The following DOCK1 variants were observed in gnomAD, a reference collection of about 807,000 sequenced individuals.
The protein encoded by DOCK1 is dedicator of cytokinesis 1.
In DOCK1, 138 loss-of-function variants were observed where a neutral mutation model predicts 262.7. That is an observed-to-expected ratio of 0.53 (90% CI 0.46 to 0.61). The LOEUF is 0.61. Among genes scored for constraint, DOCK1 ranks in the 20% least tolerant of loss-of-function variants. The pLI is 0.00. For missense variants in DOCK1, 1,908 were observed against 2,370.7 expected, an observed-to-expected ratio of 0.80 and a Z score of 4.05; for synonymous variants, 866 against 867.4, an observed-to-expected ratio of 1.00 and a Z score of 0.03.
intron 1 of DOCK1, among the ~76,000 whole-genome samples, chr10:126,943,614 G>A (rs1010572192): frequency 6.6e-6 from 1 of 152,150 alleles, no homozygotes; most frequent in Admixed American, 6.6e-5. Flanking sequence ...TGTGTGCTTG[G>A]CCCTGGGATA....
At chr10:127,376,394 C>G (rs753009452) in intron 35 of DOCK1, among the ~76,000 whole-genome samples, 2 of 152,146 alleles carry the variant, frequency 1.3e-5, no homozygotes, top group Non-Finnish European at 2.9e-5. Context: ...AATTACTGGT[C>G]TCTGATGTCT....
At chr10:127,166,011 CAG>C (rs1177096424) in intron 27 of DOCK1, among the ~76,000 whole-genome samples, 1 of 152,184 alleles carries the variant, frequency 6.6e-6, no homozygotes, top group Non-Finnish European at 1.5e-5. Context: ...AGGGAAAATC[CAG>C]ACTTGCATTA....
chr10:126,973,761 A>C (rs750447260), intron 2 of DOCK1, among the ~76,000 whole-genome samples: 1 of 152,156 alleles, frequency 6.6e-6, no homozygotes, highest in Non-Finnish European at 1.5e-5. Flanking sequence ...TTTGTTTTCC[A>C]ATATCTTCCT....
chr10:127,237,857 T>C (rs2059127527), intron 27 of DOCK1, among the ~76,000 whole-genome samples: 1 of 152,202 alleles, frequency 6.6e-6, no homozygotes, highest in Non-Finnish European at 1.5e-5. Flanking sequence ...TCTCACTAGA[T>C]TGTGAGTAGA....
chr10:127,228,906 C>T (rs767098478), intron 27 of DOCK1, among the ~76,000 whole-genome samples: 2 of 152,198 alleles, frequency 1.3e-5, no homozygotes, highest in Admixed American at 6.5e-5. Flanking sequence ...CTCTCACATA[C>T]TTATTTTTCA....
At chr10:127,113,997 C>T (rs544489784) in intron 25 of DOCK1, among the ~76,000 whole-genome samples, 1 of 152,290 alleles carries the variant, frequency 6.6e-6, no homozygotes, top group East Asian at 1.9e-4. Context: ...AGTCATTTGG[C>T]ATTTAAAATT....
At chr10:127,061,066 T>G (rs2135819005) in intron 22 of DOCK1, among the ~76,000 whole-genome samples, 1 of 152,216 alleles carries the variant, frequency 6.6e-6, no homozygotes, top group East Asian at 1.9e-4. Context: ...TCTTCCCTAC[T>G]AAAATATAAA....
In DOCK1 at chr10:126,977,983, A is replaced by G. The variant is rs774630796; in HGVS notation, c.166A>G (p.Lys56Glu). 1.3e-5 allele frequency: 21 copies of G among 1,613,824 alleles called. No homozygotes were observed. The East Asian group carries it at 4.2e-4, about 33-fold the overall frequency. ...YRGYTLRKKS[K>E]KGIFPASYIH... is the part of the protein sequence containing the mutation. ...AGGTTACACGTTACGAAAAAAGTCT[A>G]AGAAGGTAAGTCCTTCTTCTTAAAC... The change falls in exon 3 of 52, where the codon AAG (lysine) becomes GAG (glutamate). Residue 56 changes from lysine to glutamate, a missense_variant. Lys to Glu is a moderately conservative substitution (Grantham distance 56, BLOSUM62 1). Around this residue, in one of 9 missense-constraint regions of DOCK1, gnomAD observed 227 missense variants for 254.1 expected, o/e 0.89. Coordinates refer to ENST00000623213, the MANE Select transcript of DOCK1 (RefSeq NM_001290223.2).
intron 27 of DOCK1, among the ~76,000 whole-genome samples, chr10:127,174,347 C>G (rs1396761632): frequency 6.6e-6 from 1 of 152,128 alleles, no homozygotes; most frequent in East Asian, 1.9e-4. Context: ...GTCCGATAAC[C>G]CCCAGACCCA....
chr10:127,004,200 G>T (rs1195074597), intron 10 of DOCK1, among the ~76,000 whole-genome samples: 1 of 151,354 alleles, frequency 6.6e-6, no homozygotes, highest in African/African-American at 2.4e-5. Context: ...GTTGCAGTGA[G>T]CCAAGATCAC....
chr10:127,106,016 C>A (rs944218439), intron 23 of DOCK1, among the ~76,000 whole-genome samples: 1 of 152,170 alleles, frequency 6.6e-6, no homozygotes, highest in African/African-American at 2.4e-5. Context: ...CTGCCTGCCT[C>A]AGCCTCCCAA....
intron 19 of DOCK1, among the ~76,000 whole-genome samples, chr10:127,042,213 C>T (rs1202134064): frequency 1.3e-5 from 2 of 152,168 alleles, no homozygotes; most frequent in East Asian, 3.9e-4. Context: ...TCCTTCCTTC[C>T]ACTCAGCTGG....
intron 1 of DOCK1, among the ~76,000 whole-genome samples, chr10:126,955,249 C>A (rs1445306750): frequency 6.6e-6 from 1 of 152,150 alleles, no homozygotes; most frequent in African/African-American, 2.4e-5. Flanking sequence ...CCTCAGCCTC[C>A]CAAGTAGCTG....
intron 29 of DOCK1, among the ~76,000 whole-genome samples, chr10:127,336,752 G>A (rs962086151): frequency 2.0e-5 from 3 of 152,216 alleles, no homozygotes; most frequent in South Asian, 2.1e-4. Context: ...TGTTAGCCAG[G>A]ATGGTCTCAA....
chr10:127,421,935 T>G (rs2068534858), intron 46 of DOCK1, among the ~76,000 whole-genome samples: 3 of 152,204 alleles, frequency 2.0e-5, no homozygotes, highest in Admixed American at 2.0e-4. Flanking sequence ...CTGCTGTGAA[T>G]GTGGGTGTAT....
intron 21 of DOCK1, among the ~76,000 whole-genome samples, chr10:127,047,738 CTT>C (rs1306426773): frequency 1.3e-5 from 2 of 152,196 alleles, no homozygotes; most frequent in Non-Finnish European, 2.9e-5. Flanking sequence ...TGTTCTTAAA[CTT>C]TACACCAGTG....
Position 127,019,026 on chromosome 10 carries a change from C to A in DOCK1, c.1327+191C>A, listed in dbSNP as rs12778458. On this transcript the variant is annotated intron_variant, in intron 13 of 51. Coordinates refer to ENST00000623213, the MANE Select transcript of DOCK1 (RefSeq NM_001290223.2). The stretch of plus-strand genomic sequence containing the variant: ...CGGAGTGGTAGAATATGCTCCCTGG[C>A]CCCCTGTACCCCTGGATGGATCAGC... 305 of 829,420 alleles carry A rather than the reference C, an allele frequency of 3.7e-4. 1 individual carries two copies. The African/African-American group carries it at 4.5e-3, about 12-fold the overall frequency. 51.4% of individuals were successfully genotyped at this position (829,420 alleles called of 1,614,324 possible).
chr10:127,024,996 G>A (rs2275537), intron 15 of DOCK1: 7,341 of 431,864 alleles, frequency 0.017, 201 homozygotes, highest in East Asian at 0.08. Context: ...AAAATAGGAC[G>A]TTCATGGAGA....
chr10:126,905,485 T>G lies in DOCK1; in HGVS notation c.-33T>G. On this transcript the variant is annotated 5_prime_UTR_variant, in exon 1 of 52. Coordinates refer to ENST00000623213, the MANE Select transcript of DOCK1 (RefSeq NM_001290223.2). ...AAAATGGCGGCCTAGACGCGGAGTT[T>G]CCTGCCCGACCCGCGGCGGCTCCGG... is the stretch of plus-strand genomic sequence containing the variant. The G allele has an allele frequency of 1.9e-6, 1 of 527,412 alleles. No homozygotes were observed. Among genetic ancestry groups the G allele is most frequent in the Non-Finnish European group, 3.5e-6 (1 of 285,400 alleles). The allele number at this position is 527,412 out of a possible 1,614,324, so 32.7% of individuals were successfully genotyped here.
Sources: allele counts gnomAD v4.1 joint callset (sites outside exome capture counted in the v4.1 genomes callset), GRCh38; gene constraint gnomAD v4.1.1; regional missense constraint gnomAD v4.1.1; transcripts MANE v1.5; gene names NCBI Gene and HGNC (gene_info 2026-07-23, HGNC 2026-07-21).